CTSC: variants seen among roughly 807,000 people sequenced by gnomAD.
The protein encoded by CTSC is cathepsin C.
CTSC carries 37 observed loss-of-function variants against 40.9 expected under a neutral mutation model. The observed-to-expected ratio is 0.91, with a 90% CI of 0.70 to 1.19. CTSC has a LOEUF of 1.19. Among genes scored for constraint, CTSC ranks in the 50% most tolerant of loss-of-function variants. CTSC has a pLI of 0.00. For missense variants in CTSC, 594 were observed against 567.3 expected, an observed-to-expected ratio of 1.05 and a Z score of -0.48; for synonymous variants, 232 against 207.4, an observed-to-expected ratio of 1.12 and a Z score of -1.02.
chr11:88,312,354 A>C, intron 3 of CTSC, 34 bp downstream of exon 3: 1 of 1,609,166 alleles, frequency 6.2e-7, no homozygotes, highest in Non-Finnish European at 8.5e-7. Context: ...CTATAAAACA[A>C]AACTAAACGT....
At chr11:88,294,851 G>A (rs1193224432) in intron 6 of CTSC, among the ~76,000 whole-genome samples, 1 of 152,184 alleles carries the variant, frequency 6.6e-6, no homozygotes, top group East Asian at 1.9e-4. Context: ...GATGGTAGTA[G>A]TACTTTCCTC....
chr11:88,298,768 T>C (rs1944325325), intron 5 of CTSC: 1 of 152,216 alleles, frequency 6.6e-6, no homozygotes, highest in Non-Finnish European at 1.5e-5. Flanking sequence ...ATCATACTTA[T>C]AACAGTCAAA....
chr11:88,311,947 T>C (rs946539814), intron 3 of CTSC, among the ~76,000 whole-genome samples: 1 of 152,224 alleles, frequency 6.6e-6, no homozygotes, highest in Non-Finnish European at 1.5e-5. Context: ...TACTTTGTTA[T>C]GGCAGCCCTC....
chr11:88,301,810 G>GCGCA (rs1555026739), intron 4 of CTSC, among the ~76,000 whole-genome samples: 6 of 118,294 alleles, frequency 5.1e-5, no homozygotes, highest in African/African-American at 1.6e-4. Context: ...ACACACGCGC[G>GCGCA]CACACACACA....
chr11:88,313,350 G>A (rs1019442910), intron 2 of CTSC, among the ~76,000 whole-genome samples: 3 of 152,166 alleles, frequency 2.0e-5, no homozygotes, highest in African/African-American at 7.2e-5. Context: ...TTACAGGTGT[G>A]AGCCACAGTG....
intron 2 of CTSC, chr11:88,320,749 T>C (rs1267028578): frequency 4.3e-6 from 4 of 928,336 alleles, no homozygotes; most frequent in Admixed American, 6.2e-5. Flanking sequence ...GGGCCCACCA[T>C]AGCCTCTAAG....
At chr11:88,314,794 C>T (rs1247471978) in intron 2 of CTSC, among the ~76,000 whole-genome samples, 1 of 152,134 alleles carries the variant, frequency 6.6e-6, no homozygotes, top group African/African-American at 2.4e-5. Context: ...TCCCAAAGTG[C>T]TGGGATTACA....
In CTSC at chr11:88,295,091, A is replaced by C. The variant is rs1944283400; in HGVS notation, c.890-583T>G. On this transcript the variant is annotated intron_variant, in intron 6 of 6. Coordinates refer to ENST00000227266, the MANE Select transcript of CTSC (RefSeq NM_001814.6). ...TTCACTCTGTTGTTATAATTATTTA[A>C]TCTCTATCTCTTACTTAACTGTAAG... 2.0e-5 allele frequency among the ~76,000 whole-genome samples: 3 copies of C among 152,188 alleles called. No homozygotes were observed. The South Asian group carries it at 6.2e-4, about 32-fold the overall frequency.
intron 2 of CTSC, among the ~76,000 whole-genome samples, chr11:88,319,242 T>G (rs1344450797): frequency 5.3e-5 from 8 of 152,190 alleles, no homozygotes; most frequent in Admixed American, 5.2e-4. Context: ...ATAATTACCC[T>G]ATTCTGACTT....
intron 3 of CTSC, among the ~76,000 whole-genome samples, 157 bp from the exon 4 acceptor site, chr11:88,309,475 T>A (rs1937701946): frequency 1.3e-5 from 2 of 152,216 alleles, no homozygotes; most frequent in African/African-American, 4.8e-5. Context: ...CAGCCTGGCA[T>A]GTCTTCTCTA....
At chr11:88,316,971 T>A (rs1937894381) in intron 2 of CTSC, among the ~76,000 whole-genome samples, 1 of 148,842 alleles carries the variant, frequency 6.7e-6, no homozygotes, top group Non-Finnish European at 1.5e-5. Context: ...TTGTCTTAAT[T>A]TTTTTTTTTT....
intron 4 of CTSC, among the ~76,000 whole-genome samples, chr11:88,303,246 G>C (rs894838441): frequency 2.6e-5 from 4 of 152,166 alleles, no homozygotes; most frequent in African/African-American, 9.7e-5. Context: ...CAATTTCACA[G>C]TGAATACTAG....
rs766504984 is a variant in CTSC at position 88,335,065 on chromosome 11, CT to C, written c.189del (p.Val64Ter). 12 of 1,577,810 alleles carry C rather than the reference CT, an allele frequency of 7.6e-6. No individual in the cohort carries two copies. The highest frequency in any genetic ancestry group is 1.4e-5 in the African/African-American group (1 of 73,316). ...NCSVMGPQEK[K>X]VVVYLQKLDT... is the part of the protein sequence containing the mutation. Reference sequence around the variant, plus strand: ...TCCAGCTTCTGAAGGTACACCACTACTTTTTTTTCTTGTGGTCCTAAAGAAA... The same window carrying C: ...TCCAGCTTCTGAAGGTACACCACTACTTTTTTTCTTGTGGTCCTAAAGAAA... On this transcript the variant is annotated frameshift_variant, in exon 2 of 7. Coordinates refer to ENST00000227266, the MANE Select transcript of CTSC (RefSeq NM_001814.6). LOFTEE classifies it high-confidence loss of function.
chr11:88,337,431 G>A, intron 1 of CTSC, 70 bp downstream of exon 1: 2 of 1,457,176 alleles, frequency 1.4e-6, no homozygotes, highest in South Asian at 1.2e-5. Flanking sequence ...AGCGGTAGTT[G>A]GCGTGGCGCT....
At position 88,331,438 on chromosome 11, in the gene CTSC, G is replaced by A. The variant is rs73534506; in HGVS notation, c.318+3499C>T. On this transcript the variant is annotated intron_variant, in intron 2 of 6. Coordinates refer to ENST00000227266, the MANE Select transcript of CTSC (RefSeq NM_001814.6). ...ATTTATTACAAAGGATATTTGAAAG[G>A]ATATAAATACACAGGCACTTGAAGA... Among the ~76,000 whole-genome samples the A allele has an allele frequency of 7.5e-3, 1,137 of 152,288 alleles. 14 individuals are homozygous for A. Among genetic ancestry groups the A allele is most frequent in the African/African-American group, 0.026 (1,077 of 41,552 alleles).
intron 5 of CTSC, 164 bp from the exon 6 acceptor site, chr11:88,296,428 A>C: frequency 1.3e-6 from 1 of 770,914 alleles, no homozygotes; most frequent in Non-Finnish European, 2.1e-6. Flanking sequence ...TGTTGAGCTT[A>C]TTAAGGCAAT....
chr11:88,326,306 G>C, intron 2 of CTSC: 1 of 1,612,658 alleles, frequency 6.2e-7, no homozygotes, highest in Non-Finnish European at 8.5e-7. Context: ...ACTCCAGAAG[G>C]GACTGTAGCT....
In CTSC at chr11:88,307,556, CTTTTTTTT is replaced by C. The variant is rs5793311; in HGVS notation, c.641+1599_641+1606del. ...GAGAGTAATAGAGCTATACTGATAA[CTTTTTTTT>C]TTTTTTTTTTTTTTTTGCTGGACAT... On this transcript the variant is annotated intron_variant, in intron 4 of 6. Transcript: ENST00000227266. 2.4e-4 allele frequency among the ~76,000 whole-genome samples: 18 copies of C among 73,506 alleles called. No individual in the cohort carries two copies. In the East Asian group the frequency reaches 6.1e-3, roughly 25 times the overall value. 48.2% of individuals were successfully genotyped at this position (73,506 alleles called of 152,430 possible). A position where few individuals can be genotyped will look rare whatever the true frequency, so the allele number is the denominator to read the frequency against.
At chr11:88,301,817 CACACACACACACACACACAGAG>C (rs1944367137) in intron 4 of CTSC, among the ~76,000 whole-genome samples, 2 of 151,456 alleles carry the variant, frequency 1.3e-5, no homozygotes, top group African/African-American at 4.9e-5. Flanking sequence ...CGCGCACACA[CACACACACACACACACACAGAG>C]AGAGAACCAC....
Sources: allele counts gnomAD v4.1 joint callset (sites outside exome capture counted in the v4.1 genomes callset), GRCh38; gene constraint gnomAD v4.1.1; transcripts MANE v1.5; gene names NCBI Gene and HGNC (gene_info 2026-07-23, HGNC 2026-07-21).